The following SNRPD1 variants were observed in gnomAD, a reference collection of about 807,000 sequenced individuals.
SNRPD1 encodes small nuclear ribonucleoprotein D1 polypeptide, also known as small nuclear ribonucleoprotein Sm D1.
In SNRPD1, 1 loss-of-function variant was observed where a neutral mutation model predicts 14.4. That is an observed-to-expected ratio of 0.07 (90% CI 0.02 to 0.33). The LOEUF (loss-of-function observed/expected upper bound fraction) is 0.33. Among genes scored for constraint, SNRPD1 ranks in the 10% least tolerant of loss-of-function variants. The pLI, the probability that SNRPD1 is intolerant of heterozygous loss-of-function variation, is 1.00. For synonymous variants in SNRPD1, 42 were observed against 50.3 expected, an observed-to-expected ratio of 0.83 and a Z score of 0.70; for missense variants, 52 against 146.4, an observed-to-expected ratio of 0.36 and a Z score of 3.33.
intron 1 of SNRPD1, among the ~76,000 whole-genome samples, chr18:21,613,388 C>T (rs996520949): frequency 1.8e-4 from 27 of 152,122 alleles, no homozygotes; most frequent in African/African-American, 5.8e-4. Context: ...TGTCAATATC[C>T]GCTAAATAGT....
chr18:21,624,389 C>A (rs1251023121), intron 3 of SNRPD1, among the ~76,000 whole-genome samples: 2 of 135,564 alleles, frequency 1.5e-5, no homozygotes, highest in Admixed American at 7.5e-5. Flanking sequence ...AAAAAAAAAA[C>A]CAAACAACAA....
intron 3 of SNRPD1, among the ~76,000 whole-genome samples, chr18:21,628,842 C>G (rs2039059270): frequency 6.6e-6 from 1 of 151,858 alleles, no homozygotes; most frequent in South Asian, 2.1e-4. Flanking sequence ...TAATAATCTC[C>G]CTAGGCCTTT....
intron 1 of SNRPD1, among the ~76,000 whole-genome samples, chr18:21,617,728 C>T (rs1010225492): frequency 8.5e-5 from 13 of 152,104 alleles, no homozygotes; most frequent in African/African-American, 3.1e-4. Context: ...ATCGGCCAGG[C>T]GTGGTGGTTC....
Position 21,612,397 on chromosome 18 carries a change from C to T in SNRPD1, c.-33C>T, listed in dbSNP as rs375341326. The T allele has an allele frequency of 4.7e-5, 73 of 1,540,718 alleles. No homozygotes were observed. Among genetic ancestry groups the T allele is most frequent in the Admixed American group, 3.7e-4 (20 of 54,772 alleles). On this transcript the variant is annotated 5_prime_UTR_variant, in exon 1 of 4. Coordinates refer to ENST00000300413, the MANE Select transcript of SNRPD1 (RefSeq NM_006938.4). The stretch of plus-strand genomic sequence containing the variant: ...GTGTTCGGTTGAAGGATTCTGTGTG[C>T]TGTCGGACCCAGAGGGTGACGGCGC...
In SNRPD1 at chr18:21,630,928, T is replaced by A. The variant is rs771313105; in HGVS notation, c.*1790T>A. The A allele has an allele frequency of 6.3e-4, 95 of 150,822 alleles. No homozygotes were observed. The highest frequency in any genetic ancestry group is 9.6e-4 in the Non-Finnish European group (65 of 67,770). 9.3% of individuals were successfully genotyped at this position (150,822 alleles called of 1,614,324 possible). ...GTATAAATAAATACTAGATATATAT[T>A]TTTTTAAGTATCTTACCTCATCAAG... On this transcript the variant is annotated 3_prime_UTR_variant, in exon 4 of 4. Coordinates refer to ENST00000300413, the MANE Select transcript of SNRPD1 (RefSeq NM_006938.4).
rs1041873793 is a variant in SNRPD1, at chr18:21,612,327, G to C, written c.-103G>C. The C allele has an allele frequency of 2.5e-6, 2 of 815,340 alleles. No individual in the cohort carries two copies. Among genetic ancestry groups the C allele is most frequent in the Non-Finnish European group, 3.7e-6 (2 of 537,724 alleles). The allele number at this position is 815,340 out of a possible 1,614,324, so 50.5% of individuals were successfully genotyped here. A position where few individuals can be genotyped will look rare whatever the true frequency, so the allele number is the denominator to read the frequency against. ...GCTCCGCGCGCTCTTGACGTCCGGA[G>C]CCCCTGGAGTAGGCGCTTCCGGCCA... On this transcript the variant is annotated 5_prime_UTR_variant, in exon 1 of 4. Coordinates refer to ENST00000300413, the MANE Select transcript of SNRPD1 (RefSeq NM_006938.4).
Position 21,622,763 on chromosome 18 carries a change from A to G in SNRPD1, c.53A>G (p.Glu18Gly). 6.3e-7 allele frequency: 1 copy of G among 1,587,736 alleles called. No individual in the cohort carries two copies. Among genetic ancestry groups the G allele is most frequent in the South Asian group, 1.1e-5 (1 of 90,446 alleles). ...TTGAGTCATGAAACTGTAACCATTGAATTGAAGAACGGAACACAGGTCCAT... is the reference window on the plus strand; with the variant it reads ...TTGAGTCATGAAACTGTAACCATTGGATTGAAGAACGGAACACAGGTCCAT... ...MKLSHETVTI[E>G]LKNGTQVHGT... The change falls in exon 2 of 4, where the codon GAA becomes GGA. Residue 18 changes from glutamate (E) to glycine (G), a missense_variant. By Grantham distance (98) the Glu-to-Gly change is moderately conservative (BLOSUM62 -2). Coordinates refer to ENST00000300413, the MANE Select transcript of SNRPD1 (RefSeq NM_006938.4).
chr18:21,622,459 A>G (rs547002159), intron 1 of SNRPD1, among the ~76,000 whole-genome samples: 1 of 152,272 alleles, frequency 6.6e-6, no homozygotes, highest in East Asian at 1.9e-4. Flanking sequence ...TTCATGGTTT[A>G]TAATGAGTCT....
In SNRPD1 at chr18:21,633,128, G is replaced by A. The variant is rs1254073411; in HGVS notation, c.*3990G>A. ...GCCTCCCAAAGTGCTGGGATTACAG[G>A]CGTGAGCCACCGCGTCCGGCCGAAC... On this transcript the variant is annotated 3_prime_UTR_variant, in exon 4 of 4. Coordinates refer to ENST00000300413, the MANE Select transcript of SNRPD1 (RefSeq NM_006938.4). 1 of 152,124 alleles carries A rather than the reference G, an allele frequency of 6.6e-6. No homozygotes were observed. Among genetic ancestry groups the A allele is most frequent in the Non-Finnish European group, 1.5e-5 (1 of 68,038 alleles). 9.4% of individuals were successfully genotyped at this position (152,124 alleles called of 1,614,324 possible).
intron 1 of SNRPD1, among the ~76,000 whole-genome samples, chr18:21,618,644 C>T (rs1304574129): frequency 6.6e-6 from 1 of 152,084 alleles, no homozygotes; most frequent in Admixed American, 6.6e-5. Flanking sequence ...AGCTGAATAA[C>T]TCTCTGGTGA....
At chr18:21,627,341 T>C (rs2039047651) in intron 3 of SNRPD1, among the ~76,000 whole-genome samples, 1 of 151,970 alleles carries the variant, frequency 6.6e-6, no homozygotes, top group Non-Finnish European at 1.5e-5. Flanking sequence ...TCTTGAACTC[T>C]TGGTCTCAAA....
chr18:21,623,853 G>T lies in SNRPD1; in HGVS notation c.197G>T (p.Arg66Leu). ...ETLSIRGNNI[R>L]YFILPDSLPL... ...CTGAGTATTCGAGGAAATAACATTCGGTATTTTATTCTACCAGACAGTTTA... is the reference window on the plus strand; with the variant it reads ...CTGAGTATTCGAGGAAATAACATTCTGTATTTTATTCTACCAGACAGTTTA... The change falls in exon 3 of 4, where the codon CGG becomes CTG. Residue 66 changes from arginine to leucine, a missense_variant. Arg to Leu is a moderately radical substitution (Grantham distance 102). Coordinates refer to ENST00000300413, the MANE Select transcript of SNRPD1 (RefSeq NM_006938.4). 6.2e-7 allele frequency: 1 copy of T among 1,612,174 alleles called. No homozygotes were observed. The highest frequency in any genetic ancestry group is 2.2e-5 in the East Asian group (1 of 44,856).
At chr18:21,626,454 G>A (rs148946218) in intron 3 of SNRPD1, among the ~76,000 whole-genome samples, 47 of 148,888 alleles carry the variant, frequency 3.2e-4, no homozygotes, top group African/African-American at 1.1e-3. Context: ...ATGAGTCTTC[G>A]TTTCAAGTTT....
chr18:21,617,558 C>CT (rs1398840653), intron 1 of SNRPD1, among the ~76,000 whole-genome samples: 1 of 152,132 alleles, frequency 6.6e-6, no homozygotes, highest in Non-Finnish European at 1.5e-5. Context: ...CCTAGGTTCT[C>CT]TTTTAAATGT....
At chr18:21,617,207 C>A (rs2038964077) in intron 1 of SNRPD1, among the ~76,000 whole-genome samples, 1 of 152,064 alleles carries the variant, frequency 6.6e-6, no homozygotes, top group Non-Finnish European at 1.5e-5. Flanking sequence ...GTAATCCCAG[C>A]ACTTTTCGGA....
chr18:21,615,547 G>C (rs1259631337), intron 1 of SNRPD1, among the ~76,000 whole-genome samples: 1 of 152,070 alleles, frequency 6.6e-6, no homozygotes, highest in Non-Finnish European at 1.5e-5. Context: ...GAACCCAGGA[G>C]GTGGAGATTG....
chr18:21,614,540 T>A (rs2038943562), intron 1 of SNRPD1, among the ~76,000 whole-genome samples: 2 of 152,214 alleles, frequency 1.3e-5, no homozygotes, highest in South Asian at 4.1e-4. Flanking sequence ...GCATTTTCAG[T>A]AGATTTATTT....
At chr18:21,622,362 G>C (rs1002907951) in intron 1 of SNRPD1, among the ~76,000 whole-genome samples, 3 of 151,932 alleles carry the variant, frequency 2.0e-5, no homozygotes, top group Admixed American at 6.6e-5. Context: ...GGATGATCTC[G>C]ATCTCCTGAC....
At chr18:21,623,041 C>G (rs2039010126) in intron 2 of SNRPD1, among the ~76,000 whole-genome samples, 1 of 151,688 alleles carries the variant, frequency 6.6e-6, no homozygotes, top group African/African-American at 2.4e-5. Flanking sequence ...ATTCTCCTGT[C>G]TCAGCCTCCC....
Sources: allele counts gnomAD v4.1 joint callset (sites outside exome capture counted in the v4.1 genomes callset), GRCh38; gene constraint gnomAD v4.1.1; transcripts MANE v1.5; gene names NCBI Gene and HGNC (gene_info 2026-07-23, HGNC 2026-07-21).